Variants in SLC24A3 observed in about 807,000 individuals in gnomAD.
SLC24A3 encodes sodium/potassium/calcium exchanger 3.
SLC24A3 carries 28 observed loss-of-function variants against 75.8 expected under a neutral mutation model. That is an observed-to-expected ratio of 0.37 (90% confidence interval 0.27 to 0.51). The LOEUF is 0.51. Ranked by LOEUF, SLC24A3 falls within the 20% of genes least tolerant of loss-of-function variation. The pLI is 0.94. For missense variants in SLC24A3, 663 were observed against 847.8 expected, an observed-to-expected ratio of 0.78 and a Z score of 2.71; for synonymous variants, 372 against 334.1, an observed-to-expected ratio of 1.11 and a Z score of -1.24.
At chr20:19,424,745 C>CAA (rs528342351) in intron 2 of SLC24A3, among the ~76,000 whole-genome samples, 3,499 of 48,800 alleles carry the variant, frequency 0.072, 287 homozygotes, top group African/African-American at 0.13. Flanking sequence ...AAAACAACAA[C>CAA]AAAAAAAAAA....
chr20:19,214,921 C>A (rs930582514), intron 1 of SLC24A3, among the ~76,000 whole-genome samples: 4 of 152,140 alleles, frequency 2.6e-5, no homozygotes, highest in African/African-American at 9.7e-5. Flanking sequence ...CTCCACACCC[C>A]AGTAACTGAA....
chr20:19,242,368 G>C (rs1982354958), intron 1 of SLC24A3: 1 of 152,188 alleles, frequency 6.6e-6, no homozygotes, highest in Admixed American at 6.5e-5. Context: ...GGTCAGTTTT[G>C]CTCGTATTGC....
intron 2 of SLC24A3, among the ~76,000 whole-genome samples, chr20:19,438,479 G>A (rs956191996): frequency 2.0e-5 from 3 of 152,044 alleles, no homozygotes; most frequent in Admixed American, 6.5e-5. Flanking sequence ...TAGGTAGTGT[G>A]GACAGCAAGC....
intron 3 of SLC24A3, among the ~76,000 whole-genome samples, chr20:19,543,990 C>T (rs1435915998): frequency 5.9e-5 from 9 of 152,322 alleles, no homozygotes; most frequent in Admixed American, 5.9e-4. Flanking sequence ...TTTTGGAACT[C>T]TTCTTTGTCA....
At chr20:19,242,380 T>C (rs1029214365) in intron 1 of SLC24A3, 1 of 152,210 alleles carries the variant, frequency 6.6e-6, no homozygotes, top group Non-Finnish European at 1.5e-5. Flanking sequence ...TCGTATTGCA[T>C]TTGAGATGTC....
chr20:19,338,901 C>T (rs1379659531), intron 2 of SLC24A3, among the ~76,000 whole-genome samples: 1 of 152,142 alleles, frequency 6.6e-6, no homozygotes, highest in East Asian at 1.9e-4. Flanking sequence ...ACGAGTTTCA[C>T]CTCTTCAAAG....
At chr20:19,612,809 C>T (rs1052722632) in intron 6 of SLC24A3, among the ~76,000 whole-genome samples, 7 of 152,254 alleles carry the variant, frequency 4.6e-5, no homozygotes, top group Admixed American at 3.9e-4. Context: ...CTGTGCCCCA[C>T]CAAGCACTCA....
intron 4 of SLC24A3, among the ~76,000 whole-genome samples, chr20:19,584,282 G>T (rs1387208178): frequency 6.6e-6 from 1 of 152,056 alleles, no homozygotes; most frequent in Non-Finnish European, 1.5e-5. Context: ...TCAGCCTTAA[G>T]CCCCCACTCC....
At chr20:19,497,960 T>C (rs6035356) in intron 2 of SLC24A3, among the ~76,000 whole-genome samples, 101,110 of 151,948 alleles carry the variant, frequency 0.67, 34,521 homozygotes, top group African/African-American at 0.82. Flanking sequence ...GATGAGCAAG[T>C]AAAGCTTCAT....
chr20:19,216,106 A>C (rs1323867899), intron 1 of SLC24A3, among the ~76,000 whole-genome samples: 1 of 152,206 alleles, frequency 6.6e-6, no homozygotes, highest in Non-Finnish European at 1.5e-5. Context: ...AATGAGCTCT[A>C]GTTGCCCTAT....
intron 2 of SLC24A3, among the ~76,000 whole-genome samples, chr20:19,466,311 C>T (rs1288614888): frequency 6.6e-6 from 1 of 152,182 alleles, no homozygotes; most frequent in Admixed American, 6.5e-5. Flanking sequence ...CAGACCTCTC[C>T]TGAGTGGTGA....
At chr20:19,515,750 G>A (rs1221305894) in intron 3 of SLC24A3, among the ~76,000 whole-genome samples, 186 bp downstream of exon 3, 1 of 152,192 alleles carries the variant, frequency 6.6e-6, no homozygotes, top group Non-Finnish European at 1.5e-5. Flanking sequence ...AGCTTTCGAA[G>A]GTGGAGCCAT....
chr20:19,690,224 G>C (rs1373458204), intron 12 of SLC24A3, among the ~76,000 whole-genome samples: 1 of 151,978 alleles, frequency 6.6e-6, no homozygotes, highest in Non-Finnish European at 1.5e-5. Context: ...TGTTACAAAG[G>C]GGCAATAACT....
At chr20:19,281,830 C>T (rs1568577643) in intron 2 of SLC24A3, among the ~76,000 whole-genome samples, 1 of 152,158 alleles carries the variant, frequency 6.6e-6, no homozygotes, top group Non-Finnish European at 1.5e-5. Flanking sequence ...GTAGTGTATT[C>T]TTAAAATAAT....
At chr20:19,489,638 A>T (rs900487307) in intron 2 of SLC24A3, among the ~76,000 whole-genome samples, 2 of 152,170 alleles carry the variant, frequency 1.3e-5, no homozygotes, top group African/African-American at 4.8e-5. Flanking sequence ...ACCAGCCAGG[A>T]ACTACAATTT....
In SLC24A3 at chr20:19,212,977, GC is replaced by G; in HGVS notation, c.136del (p.Gln46ArgfsTer10). The G allele has an allele frequency of 7.7e-7, 1 of 1,292,774 alleles. No homozygotes were observed. Among genetic ancestry groups the G allele is most frequent in the Non-Finnish European group, 9.8e-7 (1 of 1,018,324 alleles). 80.1% of individuals were successfully genotyped at this position (1,292,774 alleles called of 1,614,324 possible). ...TCTGGTCGCTGTCGAGCCTGCGAGA[GC>G]AGAAGGGTGAGTGCACGCTGCCTGC... ...LLWSLSSLREQKELDLMDLVG... is the reference protein window; with the variant it reads ...LLWSLSSLREXKELDLMDLVG... On this transcript the variant is annotated frameshift_variant, in exon 1 of 17. Coordinates refer to ENST00000328041, the MANE Select transcript of SLC24A3 (RefSeq NM_020689.4). LOFTEE classifies it high-confidence loss of function.
chr20:19,414,061 C>CT (rs1986789795), intron 2 of SLC24A3, among the ~76,000 whole-genome samples: 1 of 152,164 alleles, frequency 6.6e-6, no homozygotes, highest in African/African-American at 2.4e-5. Context: ...GCATATGATA[C>CT]AATGTCCAGC....
At chr20:19,360,676 T>C (rs1227196966) in intron 2 of SLC24A3, among the ~76,000 whole-genome samples, 2 of 152,242 alleles carry the variant, frequency 1.3e-5, no homozygotes, top group Non-Finnish European at 2.9e-5. Flanking sequence ...TGCAAATGTT[T>C]TGATGTCTCA....
chr20:19,379,746 A>G (rs1986150352), intron 2 of SLC24A3, among the ~76,000 whole-genome samples: 2 of 152,180 alleles, frequency 1.3e-5, no homozygotes, highest in South Asian at 4.1e-4. Context: ...AACAACAACA[A>G]TGACAAACAC....
Sources: gnomAD v4.1 joint callset for allele counts (sites outside exome capture counted in the v4.1 genomes callset) on GRCh38, gnomAD v4.1.1 for gene constraint, MANE v1.5 for transcripts, NCBI Gene and HGNC (gene_info 2026-07-23, HGNC 2026-07-21) for gene names.